VPS8: variants seen among roughly 807,000 people sequenced by gnomAD.
VPS8 encodes the protein VPS8 subunit of CORVET complex, also known as vacuolar protein sorting-associated protein 8 homolog.
VPS8 carries 129 observed loss-of-function variants against 216.4 expected under a neutral mutation model. The observed-to-expected ratio is 0.60, with a 90% CI of 0.52 to 0.69. The LOEUF (loss-of-function observed/expected upper bound fraction) is 0.69, where lower values mean the gene tolerates loss of function less well. Among genes scored for constraint, VPS8 ranks in the 30% least tolerant of loss-of-function variants. The probability of loss-of-function intolerance (pLI) is 0.00; values close to 1 mark genes in which losing one functional copy is unlikely to be tolerated. For synonymous variants in VPS8, 571 were observed against 565.4 expected, an observed-to-expected ratio of 1.01 and a Z score of -0.14; for missense variants, 1,531 against 1,683.5, an observed-to-expected ratio of 0.91 and a Z score of 1.59.
intron 44 of VPS8, among the ~76,000 whole-genome samples, chr3:184,997,178 A>G (rs567417165): frequency 3.3e-5 from 5 of 152,350 alleles, no homozygotes; most frequent in South Asian, 4.1e-4. Flanking sequence ...ACCCTAGTGC[A>G]GAGTGAAGGT....
At chr3:185,017,730 G>A (rs1027608394) in intron 45 of VPS8, among the ~76,000 whole-genome samples, 4 of 152,178 alleles carry the variant, frequency 2.6e-5, no homozygotes, top group South Asian at 4.1e-4. Context: ...TTTGTGCAGC[G>A]TAAATCTACT....
intron 36 of VPS8, among the ~76,000 whole-genome samples, chr3:184,955,156 T>C (rs1275778938): frequency 1.3e-5 from 2 of 152,148 alleles, no homozygotes; most frequent in South Asian, 2.1e-4. Flanking sequence ...CACCAGCTTC[T>C]TGTGGAAGGC....
intron 14 of VPS8, among the ~76,000 whole-genome samples, chr3:184,859,692 G>A (rs980409607): frequency 6.6e-6 from 1 of 152,114 alleles, no homozygotes; most frequent in African/African-American, 2.4e-5. Context: ...AGTCATTGAT[G>A]TGATAAAGTT....
At position 184,862,818 on chromosome 3, in the gene VPS8, G is replaced by T. The variant is rs1726617787; in HGVS notation, c.1225-79G>T. Reference sequence around the variant, plus strand: ...CAAGTCCTCAATGTAATTTAATCGAGCAGCCAAGCTTTCTTCTTGACCCAA... The same window carrying T: ...CAAGTCCTCAATGTAATTTAATCGATCAGCCAAGCTTTCTTCTTGACCCAA... On this transcript the variant is annotated intron_variant, in intron 15 of 47. Transcript: ENST00000625842. 4 of 1,431,466 alleles carry T rather than the reference G, an allele frequency of 2.8e-6. No homozygotes were observed. In the South Asian group the frequency reaches 4.0e-5, roughly 14 times the overall value. 88.7% of individuals were successfully genotyped at this position (1,431,466 alleles called of 1,614,324 possible).
chr3:184,877,214 A>T lies in VPS8; in HGVS notation c.1734+6409A>T, dbSNP rs115673516. Among the ~76,000 whole-genome samples the T allele has an allele frequency of 8.4e-3, 1,272 of 152,244 alleles. 18 individuals carry two copies. Among genetic ancestry groups the T allele is most frequent in the African/African-American group, 0.029 (1,196 of 41,544 alleles). On this transcript the variant is annotated intron_variant, in intron 21 of 47. Transcript: ENST00000625842. The stretch of plus-strand genomic sequence containing the variant: ...GTAATTGTCCCCCAGATTAACTCAG[A>T]TCCATTTCTTTCTAAAATACTATGC...
At chr3:184,861,574 A>G (rs1436488750) in intron 15 of VPS8, among the ~76,000 whole-genome samples, 1 of 152,224 alleles carries the variant, frequency 6.6e-6, no homozygotes, top group Non-Finnish European at 1.5e-5. Flanking sequence ...GAATCATGTC[A>G]TACAGTTTTT....
intron 28 of VPS8, 139 bp from the exon 29 acceptor site, chr3:184,919,984 AAGGT>A (rs1738328407): frequency 1.8e-6 from 1 of 543,924 alleles, no homozygotes; most frequent in Non-Finnish European, 3.2e-6. Flanking sequence ...AATGTCACGC[AAGGT>A]GTATAAGACA....
intron 25 of VPS8, among the ~76,000 whole-genome samples, chr3:184,908,652 A>G (rs1384872000): frequency 6.6e-6 from 1 of 152,226 alleles, no homozygotes; most frequent in East Asian, 1.9e-4. Flanking sequence ...GGCCAGTGTA[A>G]CAGCCTTTCT....
chr3:184,926,591 C>T lies in VPS8; in HGVS notation c.2575-3C>T. On this transcript the variant is annotated splice_polypyrimidine_tract_variant and splice_region_variant and intron_variant, in intron 30 of 47. Coordinates refer to ENST00000625842, the MANE Select transcript of VPS8 (RefSeq NM_001009921.3). ...AAATAAAAAATACTTTTTCTTCGGC[C>T]AGGTCCTTGAATTCCTTTGTAGTCC... is the stretch of plus-strand genomic sequence containing the variant. 1 of 1,596,244 alleles carries T rather than the reference C, an allele frequency of 6.3e-7. No individual in the cohort carries two copies. Among genetic ancestry groups the T allele is most frequent in the South Asian group, 1.1e-5 (1 of 87,684 alleles).
At chr3:184,818,112 CTT>C (rs140415602) in intron 1 of VPS8, among the ~76,000 whole-genome samples, 2,810 of 152,166 alleles carry the variant, frequency 0.018, 92 homozygotes, top group African/African-American at 0.065. Context: ...ATGAAGGACT[CTT>C]AGTGCAAAAA....
chr3:184,889,793 A>G (rs4290787), intron 22 of VPS8, among the ~76,000 whole-genome samples: 4,062 of 152,178 alleles, frequency 0.027, 190 homozygotes, highest in African/African-American at 0.093. Context: ...GCTTCTCACC[A>G]TACTGGCTTT....
In VPS8 at chr3:185,024,391, T is replaced by C. The variant is rs199573617; in HGVS notation, c.4056+2T>C. On this transcript the variant is annotated splice_donor_variant, in intron 46 of 47. Transcript: ENST00000625842. LOFTEE classifies it high-confidence loss of function. ...AAAGGGGATCCCACTGCTAAAAAGGTGAGTTTGTTTTAAAGGCAAAAAACC... is the reference window on the plus strand; with the variant it reads ...AAAGGGGATCCCACTGCTAAAAAGGCGAGTTTGTTTTAAAGGCAAAAAACC... 5.4e-4 allele frequency: 862 copies of C among 1,593,666 alleles called. No homozygotes were observed. The highest frequency in any genetic ancestry group is 7.2e-4 in the Non-Finnish European group (838 of 1,169,160).
chr3:184,893,001 A>G (rs1263178646), intron 22 of VPS8, among the ~76,000 whole-genome samples: 3 of 152,132 alleles, frequency 2.0e-5, no homozygotes, highest in Non-Finnish European at 4.4e-5. Context: ...TTGGCTAGTA[A>G]TCGGTCATCA....
At chr3:184,891,810 A>G (rs1001798116) in intron 22 of VPS8, among the ~76,000 whole-genome samples, 2 of 152,202 alleles carry the variant, frequency 1.3e-5, no homozygotes, top group Non-Finnish European at 2.9e-5. Flanking sequence ...GGTTCTGGTT[A>G]TATATTTAGT....
chr3:185,036,299 GC>G (rs1758873852), intron 46 of VPS8, among the ~76,000 whole-genome samples: 1 of 152,088 alleles, frequency 6.6e-6, no homozygotes, highest in Non-Finnish European at 1.5e-5. Context: ...ACCATGAATA[GC>G]CACAGCAATG....
At chr3:184,835,441 C>T (rs530439092) in intron 5 of VPS8, among the ~76,000 whole-genome samples, 6 of 152,166 alleles carry the variant, frequency 3.9e-5, no homozygotes, top group Non-Finnish European at 7.4e-5. Context: ...TTATGTAGAG[C>T]ACTGGGTTAA....
chr3:184,970,207 C>G (rs543343818), intron 39 of VPS8, among the ~76,000 whole-genome samples: 1 of 152,064 alleles, frequency 6.6e-6, no homozygotes, highest in South Asian at 2.1e-4. Context: ...CCACCACGAC[C>G]GGCCCCATCT....
rs770825475 is a variant in VPS8 at position 185,051,967 on chromosome 3, T to A, written c.4229T>A (p.Ile1410Asn). Residue 1410 changes from isoleucine (I) to asparagine (N), a missense_variant, in exon 48 of 48, where the codon ATC becomes AAC. Ile to Asn is a moderately radical substitution (Grantham distance 149, BLOSUM62 -3). Coordinates refer to ENST00000625842, the MANE Select transcript of VPS8 (RefSeq NM_001009921.3). ...CAGAGTGCTCCTGCTTTCAACAGCA[T>A]CTTCCAGAATGAGAACTTCCAGCTG... is the stretch of plus-strand genomic sequence containing the variant. ...GSQSAPAFNSIFQNENFQLQL... is the reference protein window; with the variant it reads ...GSQSAPAFNSNFQNENFQLQL... The A allele has an allele frequency of 1.9e-6, 3 of 1,613,230 alleles. No homozygotes were observed. The highest frequency in any genetic ancestry group is 1.3e-5 in the African/African-American group (1 of 75,046).
chr3:184,850,552 C>T (rs1724052474), intron 10 of VPS8, among the ~76,000 whole-genome samples: 1 of 152,116 alleles, frequency 6.6e-6, no homozygotes, highest in Non-Finnish European at 1.5e-5. Context: ...AAAGGGAAAG[C>T]ATTAAGATCC....
Sources: gnomAD v4.1 joint callset for allele counts (sites outside exome capture counted in the v4.1 genomes callset) on GRCh38, gnomAD v4.1.1 for gene constraint, MANE v1.5 for transcripts, NCBI Gene and HGNC (gene_info 2026-07-23, HGNC 2026-07-21) for gene names.